The following TTC6 variants were observed in gnomAD, a reference collection of about 807,000 sequenced individuals.
The protein encoded by TTC6 is tetratricopeptide repeat domain 6, also known as tetratricopeptide repeat protein 6.
In TTC6, 172 loss-of-function variants were observed where a neutral mutation model predicts 210.4. The observed-to-expected ratio is 0.82, with a 90% CI of 0.72 to 0.93. The LOEUF (loss-of-function observed/expected upper bound fraction) is 0.93, where lower values mean the gene tolerates loss of function less well. Ranked by LOEUF, TTC6 falls within the 40% of genes least tolerant of loss-of-function variation. The probability of loss-of-function intolerance (pLI) is 0.00; values close to 1 mark genes in which losing one functional copy is unlikely to be tolerated. For missense variants in TTC6, 2,414 were observed against 2,318.1 expected (o/e 1.04, Z -0.85); for synonymous variants, 804 against 819.6 (o/e 0.98, Z 0.32).
intron 1 of TTC6, among the ~76,000 whole-genome samples, chr14:37,647,887 T>G (rs2095704482): frequency 6.6e-6 from 1 of 152,076 alleles, no homozygotes; most frequent in Admixed American, 6.6e-5. Flanking sequence ...CAGGAGAATG[T>G]GTTTGGTGGA....
exon 5 of TTC6, chr14:37,701,405 G>A (rs888543227): frequency 5.2e-6 from 8 of 1,532,590 alleles, no homozygotes; most frequent in Non-Finnish European, 7.0e-6. Flanking sequence ...GCTGCCTGTT[G>A]ACTTGCGCCT....
intron 14 of TTC6, among the ~76,000 whole-genome samples, chr14:37,753,926 C>T (rs1214693230): frequency 6.6e-6 from 1 of 151,870 alleles, no homozygotes; most frequent in Non-Finnish European, 1.5e-5. Flanking sequence ...AAACTTCGTG[C>T]ATTGTACCGT....
chr14:37,708,819 C>G (rs189265866), intron 5 of TTC6, among the ~76,000 whole-genome samples: 3 of 152,094 alleles, frequency 2.0e-5, no homozygotes, highest in Non-Finnish European at 4.4e-5. Context: ...AACTGAAAAT[C>G]CTGTTTTGAT....
intron 22 of TTC6, 46 bp downstream of exon 24, chr14:37,806,556 G>T: frequency 7.0e-7 from 1 of 1,436,746 alleles, no homozygotes; most frequent in Non-Finnish European, 9.2e-7. Context: ...GTTAAGTTTG[G>T]TAAAACTATT....
At chr14:37,671,738 G>T (rs942755676) in intron 1 of TTC6, among the ~76,000 whole-genome samples, 1 of 152,030 alleles carries the variant, frequency 6.6e-6, no homozygotes, top group Non-Finnish European at 1.5e-5. Flanking sequence ...ATCTTTAACC[G>T]TAATCTCACA....
chr14:37,622,997 A>G (rs1459698396), exon 1 of TTC6: 20 of 1,467,302 alleles, frequency 1.4e-5, no homozygotes, highest in Non-Finnish European at 1.7e-5. Flanking sequence ...ACGACATTAC[A>G]ATGGAAGTAG....
At chr14:37,683,340 T>C (rs2095788016) in intron 3 of TTC6, among the ~76,000 whole-genome samples, 1 of 152,150 alleles carries the variant, frequency 6.6e-6, no homozygotes, top group Admixed American at 6.6e-5. Context: ...CTCATTTAGG[T>C]TCATACTAAC....
At chr14:37,717,779 AAG>A (rs923201580) in intron 6 of TTC6, among the ~76,000 whole-genome samples, 3 of 152,212 alleles carry the variant, frequency 2.0e-5, no homozygotes, top group South Asian at 4.1e-4. Flanking sequence ...GAAAGAAAGA[AAG>A]AAAAATGCAG....
At chr14:37,674,784 TC>T (rs1307909791) in intron 1 of TTC6, among the ~76,000 whole-genome samples, 1 of 152,186 alleles carries the variant, frequency 6.6e-6, no homozygotes, top group African/African-American at 2.4e-5. Flanking sequence ...TACCTCTACA[TC>T]GATTTGTGTT....
chr14:37,747,392 C>G (rs1268825184), intron 10 of TTC6, among the ~76,000 whole-genome samples: 1 of 152,050 alleles, frequency 6.6e-6, no homozygotes, highest in Non-Finnish European at 1.5e-5. Flanking sequence ...TACAAGGAAA[C>G]CAGAAATGAT....
chr14:37,738,893 C>A (rs925133808), exon 10 of TTC6: 1 of 1,535,200 alleles, frequency 6.5e-7, no homozygotes, highest in Non-Finnish European at 8.7e-7. Flanking sequence ...GGAATTGAAA[C>A]GTCAGCTCCA....
At chr14:37,674,522 G>T (rs912213224) in intron 1 of TTC6, among the ~76,000 whole-genome samples, 1 of 151,986 alleles carries the variant, frequency 6.6e-6, no homozygotes, top group African/African-American at 2.4e-5. Context: ...AGCATATGAG[G>T]TATGTGCTAT....
intron 12 of TTC6, among the ~76,000 whole-genome samples, chr14:37,750,698 G>A (rs992727324): frequency 1.3e-5 from 2 of 152,024 alleles, no homozygotes; most frequent in African/African-American, 2.4e-5. Context: ...ACCAGCCTGG[G>A]CAACATGGTG....
intron 1 of TTC6, among the ~76,000 whole-genome samples, chr14:37,672,821 A>ATTTTTTTTTT (rs377117749): frequency 4.7e-5 from 6 of 128,996 alleles, no homozygotes; most frequent in African/African-American, 1.2e-4. Context: ...TGAATTCCTC[A>ATTTTTTTTTT]TTTTTTTTTT....
chr14:37,834,859 A>T (rs1164978734), intron 29 of TTC6, among the ~76,000 whole-genome samples: 1 of 152,200 alleles, frequency 6.6e-6, no homozygotes, highest in Non-Finnish European at 1.5e-5. Context: ...ATATATCTAT[A>T]AAGTGAGTTG....
At chr14:37,755,065 A>G (rs1226785851) in intron 14 of TTC6, among the ~76,000 whole-genome samples, 1 of 152,182 alleles carries the variant, frequency 6.6e-6, no homozygotes. Flanking sequence ...CCTTTCCAGC[A>G]TCTGTTGTTA....
At chr14:37,671,951 A>G (rs963229541) in intron 1 of TTC6, among the ~76,000 whole-genome samples, 2 of 152,044 alleles carry the variant, frequency 1.3e-5, no homozygotes, top group Admixed American at 6.6e-5. Context: ...CATGATTGTA[A>G]GTTTCCTGAG....
chr14:37,730,630 G>T (rs527853826), intron 7 of TTC6, among the ~76,000 whole-genome samples: 1 of 151,522 alleles, frequency 6.6e-6, no homozygotes, highest in African/African-American at 2.4e-5. Context: ...TTATATTTTT[G>T]ACTAATTCTT....
chr14:37,840,740 A>C (rs1452019459), intron 29 of TTC6, among the ~76,000 whole-genome samples: 1 of 152,202 alleles, frequency 6.6e-6, no homozygotes, highest in African/African-American at 2.4e-5. Flanking sequence ...AACCAATGAC[A>C]AAAACCAAAG....
Sources: allele counts gnomAD v4.1 joint callset (sites outside exome capture counted in the v4.1 genomes callset), GRCh38; gene constraint gnomAD v4.1.1; transcripts MANE v1.5; gene names NCBI Gene and HGNC (gene_info 2026-07-23, HGNC 2026-07-21).